Variants in ST6GAL2 observed in about 807,000 individuals in gnomAD.
The protein encoded by ST6GAL2 is beta-galactoside alpha-2,6-sialyltransferase 2.
Under a neutral mutation model 37.5 loss-of-function variants are expected in ST6GAL2, and 24 were observed. The observed-to-expected ratio is 0.64, with a 90% confidence interval of 0.46 to 0.90. The LOEUF (loss-of-function observed/expected upper bound fraction) is 0.90, where lower values mean the gene tolerates loss of function less well. Ranked by LOEUF, ST6GAL2 falls within the 40% of genes least tolerant of loss-of-function variation. The pLI, the probability that ST6GAL2 is intolerant of heterozygous loss-of-function variation, is 0.00. For synonymous variants in ST6GAL2, 306 were observed against 295.1 expected, an observed-to-expected ratio of 1.04 and a Z score of -0.38; for missense variants, 715 against 712.7, an observed-to-expected ratio of 1.00 and a Z score of -0.04.
At chr2:106,861,565 G>C (rs1677797457) in intron 1 of ST6GAL2, among the ~76,000 whole-genome samples, 1 of 151,994 alleles carries the variant, frequency 6.6e-6, no homozygotes, top group South Asian at 2.1e-4. Flanking sequence ...CATTGTGCCT[G>C]TGTCAGCCAA....
At chr2:106,833,932 C>T (rs1286744847) in intron 3 of ST6GAL2, 117 bp downstream of exon 3, 13 of 648,918 alleles carry the variant, frequency 2.0e-5, no homozygotes, top group Non-Finnish European at 3.5e-5. Context: ...AAACAAGTAC[C>T]ACGGTCATAA....
chr2:106,826,089 G>C (rs1676191329), intron 5 of ST6GAL2, among the ~76,000 whole-genome samples: 1 of 152,176 alleles, frequency 6.6e-6, no homozygotes, highest in Non-Finnish European at 1.5e-5. Flanking sequence ...TTTCAAACAT[G>C]CAGATTCCTA....
chr2:106,831,219 A>G (rs1676408248), intron 4 of ST6GAL2, among the ~76,000 whole-genome samples: 1 of 152,214 alleles, frequency 6.6e-6, no homozygotes, highest in African/African-American at 2.4e-5. Context: ...CTGGCAAGGG[A>G]GCAAGAGGAA....
At chr2:106,861,282 C>T (rs962160350) in intron 1 of ST6GAL2, among the ~76,000 whole-genome samples, 5 of 152,280 alleles carry the variant, frequency 3.3e-5, no homozygotes, top group Middle Eastern at 3.4e-3. Flanking sequence ...CATCTCAGCC[C>T]ATCCTGGCCC....
chr2:106,813,726 T>G (rs1489703859), intron 5 of ST6GAL2, among the ~76,000 whole-genome samples: 1 of 152,150 alleles, frequency 6.6e-6, no homozygotes, highest in African/African-American at 2.4e-5. Context: ...GCTCTGGATA[T>G]AAAACAGAAC....
intron 1 of ST6GAL2, among the ~76,000 whole-genome samples, chr2:106,847,581 T>G (rs1342276148): frequency 6.6e-6 from 1 of 152,140 alleles, no homozygotes; most frequent in African/African-American, 2.4e-5. Flanking sequence ...TGTAATTATC[T>G]GCTGCTTGCT....
intron 1 of ST6GAL2, among the ~76,000 whole-genome samples, chr2:106,880,888 G>A (rs1260231377): frequency 6.6e-6 from 1 of 152,156 alleles, no homozygotes; most frequent in Non-Finnish European, 1.5e-5. Flanking sequence ...TATTCCTCTG[G>A]TACCTACTTG....
chr2:106,847,796 C>A (rs925680592), intron 1 of ST6GAL2, among the ~76,000 whole-genome samples: 2 of 152,122 alleles, frequency 1.3e-5, no homozygotes, highest in Non-Finnish European at 2.9e-5. Context: ...AGGGGGGATG[C>A]AGTTCCACCC....
At position 106,834,034 on chromosome 2, in the gene ST6GAL2, C is replaced by T. The variant is rs1183579373; in HGVS notation, c.1041+15G>A. On this transcript the variant is annotated intron_variant, in intron 3 of 5. Transcript: ENST00000409382. ...TAAGAAACATACATCCATGAAAACA[C>T]TCCATCTGTCTTACCTGCGAATTAA... 3 of 1,584,880 alleles carry T rather than the reference C, an allele frequency of 1.9e-6. No individual in the cohort carries two copies. Among genetic ancestry groups the T allele is most frequent in the Non-Finnish European group, 2.6e-6 (3 of 1,154,876 alleles).
At chr2:106,859,561 G>A (rs1243227734) in intron 1 of ST6GAL2, among the ~76,000 whole-genome samples, 1 of 152,072 alleles carries the variant, frequency 6.6e-6, no homozygotes, top group East Asian at 1.9e-4. Flanking sequence ...AGTTGCCCAG[G>A]TCTAAAACTC....
intron 1 of ST6GAL2, among the ~76,000 whole-genome samples, chr2:106,858,592 A>T: frequency 6.6e-6 from 1 of 152,224 alleles, no homozygotes; most frequent in East Asian, 1.9e-4. Context: ...CCAAGGGAAG[A>T]TAAAAATTAT....
chr2:106,862,985 T>C (rs1677870215), intron 1 of ST6GAL2, among the ~76,000 whole-genome samples: 1 of 66,328 alleles, frequency 1.5e-5, no homozygotes, highest in Non-Finnish European at 3.8e-5. Context: ...ATAATGTAAA[T>C]GTCTTTTTTT....
chr2:106,857,313 CAT>C (rs1309258716), intron 1 of ST6GAL2, among the ~76,000 whole-genome samples: 3 of 152,070 alleles, frequency 2.0e-5, no homozygotes, highest in Admixed American at 1.3e-4. Flanking sequence ...TATTAGAACA[CAT>C]AATACGGCCA....
intron 1 of ST6GAL2, among the ~76,000 whole-genome samples, chr2:106,884,247 CA>C (rs995473160): frequency 2.6e-5 from 4 of 152,206 alleles, no homozygotes; most frequent in Non-Finnish European, 5.9e-5. Flanking sequence ...GTCTTCACCC[CA>C]CAGAGTAAAC....
chr2:106,826,300 G>A (rs1676200911), intron 5 of ST6GAL2, among the ~76,000 whole-genome samples: 2 of 152,150 alleles, frequency 1.3e-5, no homozygotes, highest in East Asian at 3.9e-4. Context: ...GAGGCCTCAG[G>A]AAGCTTTTAC....
chr2:106,848,041 T>C (rs749367061), intron 1 of ST6GAL2, among the ~76,000 whole-genome samples: 2 of 150,566 alleles, frequency 1.3e-5, no homozygotes, highest in African/African-American at 4.9e-5. Flanking sequence ...CTTTTTCTCT[T>C]TCTTTTTTTT....
At chr2:106,826,037 T>C (rs1310273918) in intron 5 of ST6GAL2, among the ~76,000 whole-genome samples, 1 of 152,190 alleles carries the variant, frequency 6.6e-6, no homozygotes. Flanking sequence ...TACAAAGAAA[T>C]GTCTTTCGTG....
chr2:106,832,504 G>T, intron 4 of ST6GAL2, 61 bp downstream of exon 4: 2 of 856,584 alleles, frequency 2.3e-6, no homozygotes, highest in Non-Finnish European at 3.7e-6. Flanking sequence ...TTGCTCTTAT[G>T]ATTAATTAGT....
chr2:106,833,059 C>A (rs918044639), intron 3 of ST6GAL2, among the ~76,000 whole-genome samples: 2 of 152,158 alleles, frequency 1.3e-5, no homozygotes, highest in African/African-American at 4.8e-5. Flanking sequence ...TCCAGGGTGC[C>A]AGCCACAGCC....
Sources: gnomAD v4.1 joint callset for allele counts (sites outside exome capture counted in the v4.1 genomes callset) on GRCh38, gnomAD v4.1.1 for gene constraint, MANE v1.5 for transcripts, NCBI Gene and HGNC (gene_info 2026-07-23, HGNC 2026-07-21) for gene names.